Variants in TENM2 observed in about 807,000 individuals in gnomAD.
TENM2 encodes teneurin transmembrane protein 2.
TENM2 carries 52 observed loss-of-function variants against 245.2 expected under a neutral mutation model. The ratio of observed to expected loss-of-function variants is 0.21; its 90% confidence interval spans 0.17 to 0.27. The LOEUF (loss-of-function observed/expected upper bound fraction) is 0.27, where lower values mean the gene tolerates loss of function less well. TENM2 is among the 10% of genes least tolerant of loss of function. The pLI, the probability that TENM2 is intolerant of heterozygous loss-of-function variation, is 1.00. For synonymous variants in TENM2, 1,363 were observed against 1,438.9 expected (o/e 0.95, Z 1.19); for missense variants, 3,046 against 3,666.8 (o/e 0.83, Z 4.37).
exon 18 of TENM2, chr5:168,203,816 C>T (rs1227650685): frequency 5.0e-6 from 8 of 1,611,924 alleles, no homozygotes; most frequent in South Asian, 3.3e-5. Context: ...AACACCACAT[C>T]CTCAATGTTA....
At chr5:167,974,013 G>GAGGGAGGGAGGGAGGA (rs1262678752) in intron 4 of TENM2, among the ~76,000 whole-genome samples, 4 of 75,388 alleles carry the variant, frequency 5.3e-5, no homozygotes, top group African/African-American at 3.4e-4. Flanking sequence ...GGGAGGGAGG[G>GAGGGAGGGAGGGAGGA]AGGGAGGGAG....
rs367669258 is a variant in TENM2 at position 167,403,215 on chromosome 5, GAAT to G, written c.502+27747_502+27749del. Among the ~76,000 whole-genome samples, 17 of 151,924 alleles carry G rather than the reference GAAT, an allele frequency of 1.1e-4. 1 individual carries two copies. The highest frequency in any genetic ancestry group is 4.1e-4 in the African/African-American group (17 of 41,450). On this transcript the variant is annotated intron_variant, in intron 2 of 28. Transcript: ENST00000518659. The stretch of plus-strand genomic sequence containing the variant: ...CCTTAATTCATCCCTGATATTGAGA[GAAT>G]AATACTAATACATTTGGGCCATTTG...
chr5:167,945,712 G>A (rs1779565491), intron 3 of TENM2, among the ~76,000 whole-genome samples: 1 of 152,180 alleles, frequency 6.6e-6, no homozygotes, highest in Non-Finnish European at 1.5e-5. Flanking sequence ...TTTTCTCTGA[G>A]GTCATATATT....
chr5:167,554,084 A>T (rs1773116894), intron 2 of TENM2, among the ~76,000 whole-genome samples: 3 of 152,200 alleles, frequency 2.0e-5, no homozygotes, highest in Admixed American at 1.3e-4. Context: ...CCCTGGCACA[A>T]TTTAATTTTT....
At chr5:168,230,500 G>C (rs1369855250) in intron 25 of TENM2, among the ~76,000 whole-genome samples, 1 of 152,178 alleles carries the variant, frequency 6.6e-6, no homozygotes, top group Non-Finnish European at 1.5e-5. Flanking sequence ...GAGGGAACTG[G>C]GGAGTGGCCA....
rs1764768471 is a variant in TENM2 at position 167,789,018 on chromosome 5, T to C, written c.503-86968T>C. ...ACCCCACTAGATCTACTACACGTCC[T>C]GTGATCTACGAATCTACGGGCATCT... On this transcript the variant is annotated intron_variant, in intron 2 of 28. Transcript: ENST00000518659. Among the ~76,000 whole-genome samples, 6 of 152,210 alleles carry C rather than the reference T, an allele frequency of 3.9e-5. No individual in the cohort carries two copies. In the South Asian group the frequency reaches 1.2e-3, roughly 32 times the overall value.
chr5:168,226,118 G>A, exon 24 of TENM2: 1 of 1,613,698 alleles, frequency 6.2e-7, no homozygotes. Context: ...TGACCAACGT[G>A]ACGCGCCCCA....
At chr5:168,045,605 C>T (rs922649918) in intron 5 of TENM2, among the ~76,000 whole-genome samples, 3 of 152,202 alleles carry the variant, frequency 2.0e-5, no homozygotes, top group Non-Finnish European at 4.4e-5. Context: ...TGGGTTCCAG[C>T]GGCACCTGCA....
At chr5:167,101,849 T>TATATATATA in the TENM2 span, among the ~76,000 whole-genome samples, 49 of 69,432 alleles carry the variant, frequency 7.1e-4, 1 homozygote, top group South Asian at 1.4e-3. Flanking sequence ...ATATATATAT[T>TATATATATA]TATATATATA....
the TENM2 span, among the ~76,000 whole-genome samples, chr5:167,156,655 T>C: frequency 6.6e-6 from 1 of 152,086 alleles, no homozygotes; most frequent in Admixed American, 6.5e-5. Context: ...AAAAGCATAG[T>C]AGGTACTGGC....
intron 1 of TENM2, among the ~76,000 whole-genome samples, chr5:167,345,915 A>T (rs1285728236): frequency 6.6e-6 from 1 of 151,376 alleles, no homozygotes; most frequent in Non-Finnish European, 1.5e-5. Context: ...AAAAACAAGT[A>T]ATCAGTGAAA....
intron 2 of TENM2, among the ~76,000 whole-genome samples, chr5:167,420,033 CGAAAA>C (rs1561939982): frequency 6.6e-6 from 1 of 152,006 alleles, no homozygotes; most frequent in East Asian, 1.9e-4. Context: ...AAATAATAAA[CGAAAA>C]GAAGGCAAAA....
the TENM2 span, among the ~76,000 whole-genome samples, chr5:167,032,089 G>T: frequency 6.6e-6 from 1 of 152,170 alleles, no homozygotes; most frequent in South Asian, 2.1e-4. Flanking sequence ...ACCCAGAAAA[G>T]GATATTAATT....
chr5:167,299,414 G>A (rs1755171718), intron 1 of TENM2, among the ~76,000 whole-genome samples: 1 of 152,150 alleles, frequency 6.6e-6, no homozygotes, highest in African/African-American at 2.4e-5. Flanking sequence ...ATCTGACTGG[G>A]GACATGCTGA....
the TENM2 span, among the ~76,000 whole-genome samples, chr5:166,996,115 G>T: frequency 6.6e-6 from 1 of 152,036 alleles, no homozygotes. Context: ...AGGCCGAGGC[G>T]GACAGATCAC....
At chr5:167,093,144 G>C in the TENM2 span, among the ~76,000 whole-genome samples, 12 of 151,370 alleles carry the variant, frequency 7.9e-5, no homozygotes, top group Admixed American at 7.2e-4. Flanking sequence ...GATTCATTTG[G>C]GGGAGGAAAA....
intron 2 of TENM2, among the ~76,000 whole-genome samples, chr5:167,645,829 T>C (rs541009393): frequency 1.3e-5 from 2 of 152,134 alleles, no homozygotes; most frequent in Middle Eastern, 3.4e-3. Context: ...AAGGCAAATA[T>C]ATACACACAC....
intron 5 of TENM2, among the ~76,000 whole-genome samples, chr5:168,018,390 T>TC (rs397952050): frequency 6.7e-6 from 1 of 149,932 alleles, no homozygotes; most frequent in Non-Finnish European, 1.5e-5. Context: ...TTTTTTTTTT[T>TC]CCTCTTTCTT....
At chr5:167,372,223 C>T (rs963144235) in intron 1 of TENM2, among the ~76,000 whole-genome samples, 4 of 152,076 alleles carry the variant, frequency 2.6e-5, no homozygotes, top group African/African-American at 9.7e-5. Flanking sequence ...CTTTGTGGCT[C>T]GGGGGCTATA....
Sources: allele counts gnomAD v4.1 joint callset (sites outside exome capture counted in the v4.1 genomes callset), GRCh38; gene constraint gnomAD v4.1.1; transcripts MANE v1.5; gene names NCBI Gene and HGNC (gene_info 2026-07-23, HGNC 2026-07-21).